PGAP1: variants seen among roughly 807,000 people sequenced by gnomAD.
The protein encoded by PGAP1 is GPI inositol-deacylase.
A neutral mutation model predicts 127.0 loss-of-function variants in PGAP1; 76 were observed. The ratio of observed to expected loss-of-function variants is 0.60; its 90% CI spans 0.50 to 0.72. PGAP1 has a LOEUF of 0.72. Among genes scored for constraint, PGAP1 ranks in the 30% least tolerant of loss-of-function variants. The pLI is 0.00. For synonymous variants in PGAP1, 362 were observed against 366.5 expected, an observed-to-expected ratio of 0.99 and a Z score of 0.14; for missense variants, 982 against 1,071.3, an observed-to-expected ratio of 0.92 and a Z score of 1.16.
In PGAP1 at chr2:196,875,750, G is replaced by T; in HGVS notation, c.1422C>A (p.Ser474=). 1 of 1,529,924 alleles carries T rather than the reference G, an allele frequency of 6.5e-7. No individual in the cohort carries two copies. Among genetic ancestry groups the T allele is most frequent in the South Asian group, 1.1e-5 (1 of 87,188 alleles). 94.8% of individuals were successfully genotyped at this position (1,529,924 alleles called of 1,614,324 possible). A position where few individuals can be genotyped will look rare whatever the true frequency, so the allele number is the denominator to read the frequency against. The change falls in exon 14 of 27, where the codon TCC becomes TCA. Residue 474 remains serine (S), a synonymous_variant. Coordinates refer to ENST00000354764, the MANE Select transcript of PGAP1 (RefSeq NM_024989.4). ...YIQLPVTHLF[S]FGLSSRKVVL... ...TTCCAAAAACAAAGTACTTACCAAA[G>T]GAAAAAAGATGAGTTACAGGAAGCT...
In PGAP1 at chr2:196,845,920, G is replaced by C; in HGVS notation, c.2248C>G (p.Leu750Val). 1 of 1,608,986 alleles carries C rather than the reference G, an allele frequency of 6.2e-7. No individual in the cohort carries two copies. The highest frequency in any genetic ancestry group is 1.1e-5 in the South Asian group (1 of 90,040). The change falls in exon 23 of 27, where the codon CTA (leucine) becomes GTA (valine). Residue 750 changes from leucine to valine, a missense_variant. Physicochemically the swap from Leu to Val is conservative, Grantham distance 32 (BLOSUM62 1). Coordinates refer to ENST00000354764, the MANE Select transcript of PGAP1 (RefSeq NM_024989.4). ...TAAAGATAAGAAAGAAGTATGGCTA[G>C]TGCTCCACAAGTTGTCCAACTAACT... is the stretch of plus-strand genomic sequence containing the variant. ...IIVSWTTCGA[L>V]AILLSYLYYV...
intron 16 of PGAP1, 56 bp downstream of exon 16, chr2:196,873,472 T>C (rs1351099890): frequency 1.5e-6 from 2 of 1,312,960 alleles, no homozygotes; most frequent in Non-Finnish European, 2.1e-6. Context: ...TTAACACCTA[T>C]TGAGTCTTCA....
chr2:196,926,170 G>C (rs1406198157), intron 1 of PGAP1, among the ~76,000 whole-genome samples: 1 of 152,056 alleles, frequency 6.6e-6, no homozygotes, highest in Non-Finnish European at 1.5e-5. Context: ...AAGAGCTTGT[G>C]CCCAGGATTT....
At chr2:196,890,944 G>T in intron 9 of PGAP1, 33 bp from the exon 10 acceptor site, 3 of 1,056,342 alleles carry the variant, frequency 2.8e-6, no homozygotes, top group Non-Finnish European at 4.4e-6. Flanking sequence ...CAATATAGCT[G>T]TAATGAGCAG....
intron 3 of PGAP1, among the ~76,000 whole-genome samples, chr2:196,915,409 A>T (rs1481086030): frequency 6.6e-6 from 1 of 152,178 alleles, no homozygotes; most frequent in Non-Finnish European, 1.5e-5. Flanking sequence ...CCACCTGTAC[A>T]GTAGCATACA....
chr2:196,880,831 C>T (rs1701705533), intron 12 of PGAP1, among the ~76,000 whole-genome samples: 1 of 152,136 alleles, frequency 6.6e-6, no homozygotes, highest in Non-Finnish European at 1.5e-5. Flanking sequence ...AAAGCCAAGG[C>T]ACCAAATACA....
At chr2:196,860,377 C>A (rs1210946969) in intron 20 of PGAP1, among the ~76,000 whole-genome samples, 3 of 151,734 alleles carry the variant, frequency 2.0e-5, no homozygotes, top group Non-Finnish European at 4.4e-5. Context: ...ACTAGAAATA[C>A]AAAAAAATTA....
intron 20 of PGAP1, among the ~76,000 whole-genome samples, chr2:196,864,144 C>A (rs1177158960): frequency 6.6e-6 from 1 of 151,738 alleles, no homozygotes; most frequent in East Asian, 1.9e-4. Flanking sequence ...GTAGTCCCAG[C>A]ACTTTGGGAG....
chr2:196,884,974 G>A (rs1258599935), intron 12 of PGAP1, among the ~76,000 whole-genome samples: 5 of 152,116 alleles, frequency 3.3e-5, no homozygotes, highest in Admixed American at 3.3e-4. Flanking sequence ...TCACCCTGGA[G>A]AGCACTAGAT....
chr2:196,877,957 T>C (rs974238923), intron 13 of PGAP1, among the ~76,000 whole-genome samples: 4 of 152,074 alleles, frequency 2.6e-5, no homozygotes, highest in African/African-American at 7.2e-5. Flanking sequence ...AGTTATAAAG[T>C]ATCATGAGAA....
chr2:196,886,568 A>AT (rs961106883), intron 10 of PGAP1, among the ~76,000 whole-genome samples: 4 of 152,194 alleles, frequency 2.6e-5, no homozygotes, highest in African/African-American at 9.7e-5. Flanking sequence ...AGTAATCTAC[A>AT]TTTTTTAAAT....
In PGAP1 at chr2:196,843,929, T is replaced by C. The variant is rs751417515; in HGVS notation, c.2484A>G (p.Leu828=). 1.5e-5 allele frequency: 24 copies of C among 1,578,324 alleles called. No individual in the cohort carries two copies. The highest frequency in any genetic ancestry group is 1.8e-5 in the Non-Finnish European group (21 of 1,158,834). The change falls in exon 25 of 27, where the codon TTA becomes TTG. Residue 828 remains leucine (L), a synonymous_variant. Transcript: ENST00000354764. ...AATAAATTAGAGAAGGCATGCTGAGTAATACAATCCATGTTAGTAAGTTAA... is the reference window on the plus strand; with the variant it reads ...AATAAATTAGAGAAGGCATGCTGAGCAATACAATCCATGTTAGTAAGTTAA... ...TVINLLTWIV[L]LSMPSLIYWL... is the part of the protein sequence containing the mutation.
At chr2:196,877,100 A>T (rs1422067070) in intron 13 of PGAP1, among the ~76,000 whole-genome samples, 1 of 152,120 alleles carries the variant, frequency 6.6e-6, no homozygotes, top group Non-Finnish European at 1.5e-5. Context: ...TGCTTTAAAA[A>T]TTTGGCTATG....
chr2:196,841,707 C>T (rs1043594943), intron 26 of PGAP1, among the ~76,000 whole-genome samples: 4 of 151,936 alleles, frequency 2.6e-5, no homozygotes, highest in Admixed American at 1.3e-4. Context: ...TTAGTAGAGA[C>T]GGGGTTTCAC....
intron 1 of PGAP1, among the ~76,000 whole-genome samples, chr2:196,923,658 TTTTC>T (rs1003882878): frequency 3.9e-5 from 6 of 152,042 alleles, no homozygotes; most frequent in Non-Finnish European, 7.4e-5. Context: ...TATTTTCTTT[TTTTC>T]TTTCTTTTTT....
chr2:196,924,510 C>T (rs1159452024), intron 1 of PGAP1, among the ~76,000 whole-genome samples: 3 of 152,044 alleles, frequency 2.0e-5, no homozygotes, highest in Non-Finnish European at 4.4e-5. Flanking sequence ...GATAACATGA[C>T]CTGGTATGCA....
chr2:196,859,266 G>A (rs1295320146), intron 20 of PGAP1, among the ~76,000 whole-genome samples: 1 of 152,144 alleles, frequency 6.6e-6, no homozygotes, highest in African/African-American at 2.4e-5. Context: ...GAAGGAGGTT[G>A]CAGTGAGCCG....
intron 18 of PGAP1, among the ~76,000 whole-genome samples, chr2:196,871,193 T>C (rs932470258): frequency 6.6e-6 from 1 of 152,154 alleles, no homozygotes; most frequent in Non-Finnish European, 1.5e-5. Flanking sequence ...TTCCCACATA[T>C]CTAATTATTT....
At chr2:196,918,280 C>T (rs1559372887) in intron 2 of PGAP1, among the ~76,000 whole-genome samples, 2 of 152,126 alleles carry the variant, frequency 1.3e-5, no homozygotes, top group Non-Finnish European at 2.9e-5. Context: ...TATAAATTAG[C>T]ACAATCAGTA....
Sources: allele counts gnomAD v4.1 joint callset (sites outside exome capture counted in the v4.1 genomes callset), GRCh38; gene constraint gnomAD v4.1.1; transcripts MANE v1.5; gene names NCBI Gene and HGNC (gene_info 2026-07-23, HGNC 2026-07-21).